The following CLIC5 variants were observed in gnomAD, a reference collection of about 807,000 sequenced individuals.
CLIC5 encodes the protein CLIC family member 5, also known as chloride intracellular channel protein 5.
In CLIC5, 20 loss-of-function variants were observed where a neutral mutation model predicts 24.7. The ratio of observed to expected loss-of-function variants is 0.81; its 90% confidence interval spans 0.57 to 1.18. The LOEUF is 1.18. CLIC5 is among the 50% of genes most tolerant of loss of function. The probability of loss-of-function intolerance (pLI) is 0.00; values close to 1 mark genes in which losing one functional copy is unlikely to be tolerated. For synonymous variants in CLIC5, 159 were observed against 135.6 expected, an observed-to-expected ratio of 1.17 and a Z score of -1.20; for missense variants, 341 against 326.1, an observed-to-expected ratio of 1.05 and a Z score of -0.35.
chr6:46,042,087 T>G (rs1767823043), intron 1 of CLIC5, among the ~76,000 whole-genome samples: 1 of 152,296 alleles, frequency 6.6e-6, no homozygotes, highest in East Asian at 1.9e-4. Flanking sequence ...AATAATGTTC[T>G]CTTTTATTGA....
intron 4 of CLIC5, among the ~76,000 whole-genome samples, chr6:45,935,795 C>T (rs1431514726): frequency 1.3e-5 from 2 of 152,112 alleles, no homozygotes; most frequent in Non-Finnish European, 2.9e-5. Flanking sequence ...TGTGTAGAAT[C>T]TGAGTAATGG....
At chr6:46,039,930 C>G (rs536712099) in intron 1 of CLIC5, among the ~76,000 whole-genome samples, 78 of 152,090 alleles carry the variant, frequency 5.1e-4, no homozygotes, top group Non-Finnish European at 9.3e-4. Context: ...AACTGTAAAC[C>G]CTGGCAATTC....
chr6:46,034,734 C>A (rs945596751), intron 1 of CLIC5, among the ~76,000 whole-genome samples: 1 of 152,236 alleles, frequency 6.6e-6, no homozygotes, highest in Non-Finnish European at 1.5e-5. Context: ...AGACTGGCAA[C>A]ATCCCAGCTC....
the CLIC5 span, among the ~76,000 whole-genome samples, chr6:46,089,057 T>C: frequency 7.9e-5 from 12 of 152,332 alleles, no homozygotes; most frequent in Non-Finnish European, 1.2e-4. Flanking sequence ...CTGTACTCAA[T>C]TGATCTATGC....
intron 1 of CLIC5, among the ~76,000 whole-genome samples, chr6:46,032,627 G>A (rs563966343): frequency 1.3e-5 from 2 of 152,156 alleles, no homozygotes; most frequent in Non-Finnish European, 2.9e-5. Flanking sequence ...AGTCAACCAC[G>A]TTTATCTTTG....
At chr6:46,014,614 CT>C (rs1766929256) in intron 1 of CLIC5, 2 of 152,202 alleles carry the variant, frequency 1.3e-5, no homozygotes, top group Admixed American at 1.3e-4. Flanking sequence ...TCAGGTTTCC[CT>C]ACTTCTGCAG....
At chr6:45,886,602 C>T (rs1762308090) in intron 6 of CLIC5, among the ~76,000 whole-genome samples, 1 of 152,102 alleles carries the variant, frequency 6.6e-6, no homozygotes. Context: ...TGCCCCAATG[C>T]CAAATCCGTG....
At chr6:46,071,409 C>A (rs1385103595) in intron 1 of CLIC5, among the ~76,000 whole-genome samples, 1 of 151,788 alleles carries the variant, frequency 6.6e-6, no homozygotes, top group Non-Finnish European at 1.5e-5. Context: ...AAAAAACAAT[C>A]CCATTAAAAA....
chr6:45,920,701 G>T, intron 4 of CLIC5: 2 of 973,822 alleles, frequency 2.1e-6, no homozygotes, highest in Non-Finnish European at 2.4e-6. Flanking sequence ...TAGGACAAGA[G>T]GAAGAGACAC....
chr6:45,995,282 A>C (rs1428396270), intron 1 of CLIC5, among the ~76,000 whole-genome samples: 2 of 152,246 alleles, frequency 1.3e-5, no homozygotes, highest in Non-Finnish European at 2.9e-5. Context: ...AAATTCACAT[A>C]AAGCTATTAG....
intron 4 of CLIC5, among the ~76,000 whole-genome samples, chr6:45,930,372 G>A (rs557172273): frequency 6.6e-6 from 1 of 152,292 alleles, no homozygotes; most frequent in Admixed American, 6.5e-5. Context: ...AGTTGTCATT[G>A]GGAGGGGCAG....
the CLIC5 span, among the ~76,000 whole-genome samples, chr6:46,120,294 C>T: frequency 1.3e-5 from 2 of 152,220 alleles, no homozygotes; most frequent in African/African-American, 4.8e-5. Context: ...TGTTCTGCAG[C>T]CTCCACTGCT....
At chr6:46,006,566 A>G (rs757887888) in intron 1 of CLIC5, among the ~76,000 whole-genome samples, 7 of 152,032 alleles carry the variant, frequency 4.6e-5, no homozygotes, top group Non-Finnish European at 1.0e-4. Flanking sequence ...CATTGTTCAC[A>G]TGATTTCCTT....
intron 1 of CLIC5, among the ~76,000 whole-genome samples, chr6:45,956,974 T>C: frequency 6.6e-6 from 1 of 152,204 alleles, no homozygotes; most frequent in East Asian, 1.9e-4. Context: ...GAGTTTATGA[T>C]GTACGTTCCC....
chr6:46,110,355 G>A, the CLIC5 span, among the ~76,000 whole-genome samples: 22 of 152,108 alleles, frequency 1.4e-4, no homozygotes, highest in East Asian at 5.8e-4. Context: ...TTACTCCACC[G>A]GACTTTGTCA....
upstream of CLIC5, among the ~76,000 whole-genome samples, chr6:46,084,235 C>T (rs1170636351): frequency 6.6e-6 from 1 of 152,048 alleles, no homozygotes; most frequent in Non-Finnish European, 1.5e-5. Flanking sequence ...ATCCAATTTG[C>T]CAGTCTGTGT....
intron 1 of CLIC5, among the ~76,000 whole-genome samples, chr6:46,062,867 T>C (rs776847692): frequency 8.0e-4 from 122 of 152,212 alleles, no homozygotes; most frequent in Non-Finnish European, 1.4e-3. Flanking sequence ...AAGAAATTCA[T>C]AGAATCATCA....
intron 1 of CLIC5, among the ~76,000 whole-genome samples, chr6:45,987,611 T>G (rs1323129432): frequency 6.6e-6 from 1 of 152,214 alleles, no homozygotes; most frequent in Non-Finnish European, 1.5e-5. Context: ...TTTTCACAGT[T>G]CTGGAAGCTG....
chr6:46,084,751 C>A (rs918427802), upstream of CLIC5, among the ~76,000 whole-genome samples: 1 of 152,114 alleles, frequency 6.6e-6, no homozygotes, highest in African/African-American at 2.4e-5. Context: ...AATTATGTGT[C>A]TTGGAGATGC....
Sources: allele counts gnomAD v4.1 joint callset (sites outside exome capture counted in the v4.1 genomes callset), GRCh38; gene constraint gnomAD v4.1.1; transcripts MANE v1.5; gene names NCBI Gene and HGNC (gene_info 2026-07-23, HGNC 2026-07-21).